MYT1L: variants seen among roughly 807,000 people sequenced by gnomAD.
MYT1L encodes the protein myelin transcription factor 1-like protein.
In MYT1L, 12 loss-of-function variants were observed where a neutral mutation model predicts 126.7. The ratio of observed to expected loss-of-function variants is 0.09; its 90% confidence interval spans 0.06 to 0.15. The LOEUF (loss-of-function observed/expected upper bound fraction) is 0.15, where lower values mean the gene tolerates loss of function less well. MYT1L is among the 10% of genes least tolerant of loss of function. The probability of loss-of-function intolerance (pLI) is 1.00; values close to 1 mark genes in which losing one functional copy is unlikely to be tolerated. For missense variants in MYT1L, 979 were observed against 1,585.2 expected, an observed-to-expected ratio of 0.62 and a Z score of 6.49; for synonymous variants, 541 against 604.2, an observed-to-expected ratio of 0.90 and a Z score of 1.53.
chr2:2,134,316 T>C (rs1466638373), intron 3 of MYT1L, among the ~76,000 whole-genome samples: 1 of 152,210 alleles, frequency 6.6e-6, no homozygotes, highest in Non-Finnish European at 1.5e-5. Context: ...TTGTTCCTAC[T>C]ATTGTAAATC....
intron 3 of MYT1L, among the ~76,000 whole-genome samples, chr2:2,079,576 C>A (rs1031886391): frequency 6.6e-6 from 1 of 152,122 alleles, no homozygotes; most frequent in Non-Finnish European, 1.5e-5. Context: ...GAGGCCAAGG[C>A]GGGTGGATCG....
chr2:1,959,837 A>G (rs1193653006), intron 8 of MYT1L, among the ~76,000 whole-genome samples: 1 of 152,230 alleles, frequency 6.6e-6, no homozygotes, highest in Non-Finnish European at 1.5e-5. Flanking sequence ...CATGAATATT[A>G]GGATGTAATC....
Position 1,922,642 on chromosome 2 carries a change from T to C in MYT1L, c.1127A>G (p.Tyr376Cys), listed in dbSNP as rs1309801229. Residue 376 changes from tyrosine to cysteine, a missense_variant, in exon 10 of 25, where the codon TAC becomes TGC. Tyr to Cys is a radical substitution (Grantham distance 194, BLOSUM62 -2). Coordinates refer to ENST00000647738, the MANE Select transcript of MYT1L (RefSeq NM_001303052.2). The surrounding 1 kb of genome is among the most constrained non-coding windows in gnomAD (Gnocchi z 7.4). ...CCGCATGAGGTTCAGCATGTCCGAGTAGTTTCTGTCCGGCGTCCTTCCGGG... is the reference window on the plus strand; with the variant it reads ...CCGCATGAGGTTCAGCATGTCCGAGCAGTTTCTGTCCGGCGTCCTTCCGGG... The part of the protein sequence containing the change: ...DFPGRTPDRN[Y>C]SDMLNLMRLE... 2 of 1,613,686 alleles carry C rather than the reference T, an allele frequency of 1.2e-6. No homozygotes were observed. Among genetic ancestry groups the C allele is most frequent in the Non-Finnish European group, 1.7e-6 (2 of 1,179,852 alleles).
In MYT1L at chr2:1,945,803, C is replaced by T. The variant is rs114626217; in HGVS notation, c.153-2469G>A. On this transcript the variant is annotated intron_variant, in intron 8 of 24. Transcript: ENST00000647738. ...TATTTTTATTCAGGTATCCAATTAT[C>T]CAACAAACATGTCGCTCCTTAAAGT... Among the ~76,000 whole-genome samples the T allele has an allele frequency of 1.8e-3, 269 of 152,276 alleles. 1 individual carries two copies. Among genetic ancestry groups the T allele is most frequent in the African/African-American group, 6.3e-3 (262 of 41,554 alleles).
At position 2,009,687 on chromosome 2, in the gene MYT1L, T is replaced by C. The variant is rs902520305; in HGVS notation, c.-157-12340A>G. 5.9e-5 allele frequency among the ~76,000 whole-genome samples: 9 copies of C among 152,304 alleles called. No individual in the cohort carries two copies. In the East Asian group the frequency reaches 1.7e-3, roughly 29 times the overall value. The stretch of plus-strand genomic sequence containing the variant: ...TCTTCCTTCTGAAGTGGATCCCTTT[T>C]GTTTATCTTATTTCATTTCTTGTCT... On this transcript the variant is annotated intron_variant, in intron 4 of 24. Coordinates refer to ENST00000647738, the MANE Select transcript of MYT1L (RefSeq NM_001303052.2).
At chr2:2,068,789 T>G (rs1053002617) in intron 3 of MYT1L, among the ~76,000 whole-genome samples, 2,715 of 142,068 alleles carry the variant, frequency 0.019, 75 homozygotes, top group African/African-American at 0.064. Flanking sequence ...TTTTTTTTTT[T>G]TTTTTTTTTC....
At position 2,031,584 on chromosome 2, in the gene MYT1L, C is replaced by T. The variant is rs539160086; in HGVS notation, c.-158+22394G>A. Among the ~76,000 whole-genome samples, 22 of 147,018 alleles carry T rather than the reference C, an allele frequency of 1.5e-4. No homozygotes were observed. In the South Asian group the frequency reaches 4.0e-3, roughly 27 times the overall value. ...CTAGAAGGAGGGCCTTACACACACC[C>T]CTCGCCAGTGCCTCTCATCCTGTGG... is the stretch of plus-strand genomic sequence containing the variant. On this transcript the variant is annotated intron_variant, in intron 4 of 24. Transcript: ENST00000647738.
At chr2:1,839,502 AG>A in intron 20 of MYT1L, 132 bp from the exon 21 acceptor site, 2 of 759,700 alleles carry the variant, frequency 2.6e-6, no homozygotes, top group South Asian at 3.7e-5. Flanking sequence ...CAAAAGGAAA[AG>A]AAAAAAGAGA....
chr2:2,236,010 A>C (rs1372635547), intron 2 of MYT1L, among the ~76,000 whole-genome samples: 1 of 152,188 alleles, frequency 6.6e-6, no homozygotes, highest in Non-Finnish European at 1.5e-5. Context: ...ATATTCCCAA[A>C]GGAGCCCAAG....
rs112653627 is a variant in MYT1L, at chr2:1,895,074, C to T, written c.2033-2787G>A. Among the ~76,000 whole-genome samples the T allele has an allele frequency of 4.7e-3, 712 of 152,258 alleles. 5 individuals are homozygous for T. The highest frequency in any genetic ancestry group is 7.6e-3 in the Non-Finnish European group (518 of 68,020). ...TCTATACACCAATAACATCCAGGCT[C>T]ACCATCAATCAAGCAGGCAATCCCA... On this transcript the variant is annotated intron_variant, in intron 14 of 24. Transcript: ENST00000647738.
rs552436872 is a variant in MYT1L at position 2,075,488 on chromosome 2, A to C, written c.-303-21365T>G. Among the ~76,000 whole-genome samples, 18 of 152,276 alleles carry C rather than the reference A, an allele frequency of 1.2e-4. No homozygotes were observed. In the South Asian group the frequency reaches 1.7e-3, roughly 14 times the overall value. ...TAAGATGAACGAGAGGTTTTGAGGA[A>C]TGTTCATTCTGGTAGGGAGGTGGAA... On this transcript the variant is annotated intron_variant, in intron 3 of 24. Coordinates refer to ENST00000647738, the MANE Select transcript of MYT1L (RefSeq NM_001303052.2).
intron 3 of MYT1L, among the ~76,000 whole-genome samples, chr2:2,095,679 A>C (rs1365777891): frequency 1.3e-5 from 2 of 152,010 alleles, no homozygotes; most frequent in African/African-American, 4.8e-5. Context: ...TCTGCAATCT[A>C]TGGGCCAAAG....
intron 21 of MYT1L, among the ~76,000 whole-genome samples, chr2:1,814,636 T>G (rs2037342939): frequency 6.6e-6 from 1 of 152,054 alleles, no homozygotes; most frequent in South Asian, 2.1e-4. Flanking sequence ...TCACTGGGGG[T>G]GCGGAGCTCC....
Position 2,207,273 on chromosome 2 carries a change from T to C in MYT1L, c.-420-34285A>G, listed in dbSNP as rs60410982. The stretch of plus-strand genomic sequence containing the variant: ...CAAAAATTGATTGTATTATATATTC[T>C]ATATCTACACTACACATATAAAACA... On this transcript the variant is annotated intron_variant, in intron 2 of 24. Coordinates refer to ENST00000647738, the MANE Select transcript of MYT1L (RefSeq NM_001303052.2). Among the ~76,000 whole-genome samples the C allele has an allele frequency of 9.0e-3, 1,372 of 152,066 alleles. 19 individuals are homozygous for C. The highest frequency in any genetic ancestry group is 0.028 in the African/African-American group (1,160 of 41,438).
intron 14 of MYT1L, among the ~76,000 whole-genome samples, chr2:1,893,007 T>G (rs928359606): frequency 5.3e-5 from 8 of 152,152 alleles, no homozygotes; most frequent in Admixed American, 2.6e-4. Flanking sequence ...GAGTGGCCAC[T>G]TGGTGGTGGC....
intron 3 of MYT1L, among the ~76,000 whole-genome samples, chr2:2,144,913 A>G (rs1018003556): frequency 1.3e-5 from 2 of 152,224 alleles, no homozygotes; most frequent in Non-Finnish European, 2.9e-5. Flanking sequence ...ACCTTTAATT[A>G]TATCATTATT....
chr2:1,872,360 A>G (rs1288495347), intron 18 of MYT1L, among the ~76,000 whole-genome samples: 3 of 152,350 alleles, frequency 2.0e-5, no homozygotes, highest in African/African-American at 4.8e-5. Flanking sequence ...ATGACAGAGA[A>G]TAAGACGACC....
At chr2:1,888,334 A>C (rs891846315) in intron 16 of MYT1L, among the ~76,000 whole-genome samples, 9 of 152,210 alleles carry the variant, frequency 5.9e-5, no homozygotes, top group African/African-American at 2.2e-4. Context: ...CGGGAGAAAA[A>C]AATACTTAGA....
At chr2:2,254,400 G>A (rs2094749800) in intron 2 of MYT1L, among the ~76,000 whole-genome samples, 1 of 152,146 alleles carries the variant, frequency 6.6e-6, no homozygotes, top group African/African-American at 2.4e-5. Flanking sequence ...AGGCCTGGGG[G>A]CTGGGCTGCA....
Sources: allele counts gnomAD v4.1 joint callset (sites outside exome capture counted in the v4.1 genomes callset), GRCh38; gene constraint gnomAD v4.1.1; non-coding constraint Gnocchi (gnomAD v3.1); transcripts MANE v1.5; gene names NCBI Gene and HGNC (gene_info 2026-07-23, HGNC 2026-07-21).